The following PRDM10 variants were observed in gnomAD, a reference collection of about 807,000 sequenced individuals.
The protein encoded by PRDM10 is PR domain zinc finger protein 10.
In PRDM10, 65 loss-of-function variants were observed where a neutral mutation model predicts 133.1. That is an observed-to-expected ratio of 0.49 (90% confidence interval 0.40 to 0.60). The LOEUF is 0.60. Ranked by LOEUF, PRDM10 falls within the 20% of genes least tolerant of loss-of-function variation. The pLI, the probability that PRDM10 is intolerant of heterozygous loss-of-function variation, is 0.00. For synonymous variants in PRDM10, 582 were observed against 580.4 expected (o/e 1.00, Z -0.04); for missense variants, 1,137 against 1,507.1 (o/e 0.75, Z 4.07).
At chr11:129,907,871 C>T (rs541814538) in intron 19 of PRDM10, among the ~76,000 whole-genome samples, 1 of 152,150 alleles carries the variant, frequency 6.6e-6, no homozygotes, top group Non-Finnish European at 1.5e-5. Flanking sequence ...GGGAAGATCA[C>T]TTGAGCCCAG....
intron 1 of PRDM10, among the ~76,000 whole-genome samples, chr11:130,002,350 C>T (rs1939463987): frequency 6.6e-6 from 1 of 152,002 alleles, no homozygotes; most frequent in Non-Finnish European, 1.5e-5. Context: ...CTGCGCGCGG[C>T]GAAGGCAGGG....
In PRDM10 at chr11:129,947,677, G is replaced by A. The variant is rs1448524687; in HGVS notation, c.295-307C>T. 3.2e-5 allele frequency: 24 copies of A among 741,942 alleles called. 1 individual carries two copies. The allele number at this position is 741,942 out of a possible 1,614,324, so 46.0% of individuals were successfully genotyped here. On this transcript the variant is annotated intron_variant, in intron 4 of 20. Transcript: ENST00000360871. The surrounding 1 kb of genome is among the most constrained non-coding windows in gnomAD (Gnocchi z 4.6). ...GGCAGCAGTGGGAGAGTCAACACTG[G>A]CAAGGCCCTGACCACCTGCGTCCTG...
intron 19 of PRDM10, among the ~76,000 whole-genome samples, chr11:129,909,955 G>C (rs1213305603): frequency 6.6e-6 from 1 of 152,180 alleles, no homozygotes; most frequent in Non-Finnish European, 1.5e-5. Context: ...TGTGGAAATT[G>C]CCTTATCTGT....
intron 1 of PRDM10, among the ~76,000 whole-genome samples, chr11:129,987,108 C>T (rs909971102): frequency 1.3e-5 from 2 of 152,134 alleles, no homozygotes; most frequent in Admixed American, 6.5e-5. Flanking sequence ...ATAAACTCTC[C>T]ACTAATAGGG....
chr11:129,945,091 A>G lies in PRDM10; in HGVS notation c.521-79T>C. 1.3e-6 allele frequency: 2 copies of G among 1,554,054 alleles called. No homozygotes were observed. Among genetic ancestry groups the G allele is most frequent in the Non-Finnish European group, 1.7e-6 (2 of 1,148,538 alleles). On this transcript the variant is annotated intron_variant, in intron 5 of 20. Transcript: ENST00000360871. This position sits in a 1 kb window ranked among gnomAD's most constrained non-coding sequence, Gnocchi z 4.2. ...TGTGAGGTAAAAAATTCTGACCCGA[A>G]AAATCCCCGTCTGCATTTTCAAGCC...
At chr11:129,969,274 C>A (rs1014629441) in intron 1 of PRDM10, among the ~76,000 whole-genome samples, 6 of 152,078 alleles carry the variant, frequency 3.9e-5, no homozygotes, top group Non-Finnish European at 8.8e-5. Flanking sequence ...AGCAATTAGT[C>A]TCCATTTAAA....
intron 1 of PRDM10, among the ~76,000 whole-genome samples, chr11:129,975,994 T>C (rs780506639): frequency 7.9e-5 from 12 of 152,172 alleles, no homozygotes; most frequent in Non-Finnish European, 1.8e-4. Context: ...TCTCCTACAG[T>C]ACCTCATCCA....
intron 1 of PRDM10, among the ~76,000 whole-genome samples, chr11:129,977,838 C>T (rs1441247894): frequency 1.3e-5 from 2 of 152,066 alleles, no homozygotes; most frequent in Non-Finnish European, 2.9e-5. Flanking sequence ...CACCTGTTGT[C>T]CCAGCTAAGT....
chr11:129,985,514 G>C (rs75167235), intron 1 of PRDM10, among the ~76,000 whole-genome samples: 1 of 151,876 alleles, frequency 6.6e-6, no homozygotes, highest in Admixed American at 6.6e-5. Flanking sequence ...GTATTGGGCA[G>C]GGCACAGTGG....
chr11:129,941,271 T>G (rs1038559010), intron 7 of PRDM10, among the ~76,000 whole-genome samples: 1 of 152,232 alleles, frequency 6.6e-6, no homozygotes, highest in African/African-American at 2.4e-5. Context: ...TTTGATCCCC[T>G]CTTTTGGCAT....
At chr11:129,927,241 C>T (rs1950712037) in intron 11 of PRDM10, among the ~76,000 whole-genome samples, 1 of 143,324 alleles carries the variant, frequency 7.0e-6, no homozygotes, top group African/African-American at 2.5e-5. Context: ...AAATCAGCCA[C>T]AGGGCTTGCT....
At position 129,932,230 on chromosome 11, in the gene PRDM10, T is replaced by C; in HGVS notation, c.1159A>G (p.Thr387Ala). 1 of 1,614,004 alleles carries C rather than the reference T, an allele frequency of 6.2e-7. No individual in the cohort carries two copies. The highest frequency in any genetic ancestry group is 8.5e-7 in the Non-Finnish European group (1 of 1,179,892). Reference sequence around the variant, plus strand: ...CCTCGTCCCCTTCCTCTGCCTCTTGTTCTGGGGACAAGAGATTGGGTTACA... The same window carrying C: ...CCTCGTCCCCTTCCTCTGCCTCTTGCTCTGGGGACAAGAGATTGGGTTACA... Reference protein sequence around the residue: ...HDEKLDVFSRTRGRGRGRGKR... With the variant: ...HDEKLDVFSRARGRGRGRGKR... The change falls in exon 10 of 21, where the codon ACA becomes GCA. Residue 387 changes from threonine (T) to alanine (A), a missense_variant and splice_region_variant. Transcript: ENST00000360871.
intron 19 of PRDM10, among the ~76,000 whole-genome samples, chr11:129,908,886 G>A (rs976323482): frequency 4.0e-5 from 6 of 151,642 alleles, no homozygotes; most frequent in East Asian, 2.0e-4. Flanking sequence ...GCCACCAGAC[G>A]TGGCTAATTT....
Position 129,910,626 on chromosome 11 carries a change from G to A in PRDM10, c.3013C>T (p.Gln1005Ter). The change falls in exon 19 of 21, where the codon CAG becomes TAG. Residue 1005 changes from glutamine to a stop codon, truncating the protein, a stop_gained. Coordinates refer to ENST00000360871, the MANE Select transcript of PRDM10 (RefSeq NM_199437.2). LOFTEE classifies it high-confidence loss of function. ...GGGCTGAGCCCCTGCTGAGCCTGCT[G>A]GGCTGAGGGACTCAACGGCTGCCCA... Reference protein sequence around the residue: ...VSGQPLSPSAQQAQQGLSPSH... With the variant: ...VSGQPLSPSA 6.3e-7 allele frequency: 1 copy of A among 1,599,016 alleles called. No individual in the cohort carries two copies. The highest frequency in any genetic ancestry group is 8.5e-7 in the Non-Finnish European group (1 of 1,171,600).
At chr11:129,993,378 CA>C (rs1938855144) in intron 1 of PRDM10, among the ~76,000 whole-genome samples, 1 of 152,144 alleles carries the variant, frequency 6.6e-6, no homozygotes, top group Non-Finnish European at 1.5e-5. Flanking sequence ...GCCTTTCTGC[CA>C]TGCCTCCAGG....
chr11:129,968,594 C>T (rs1199737991), intron 1 of PRDM10, among the ~76,000 whole-genome samples: 11 of 151,164 alleles, frequency 7.3e-5, no homozygotes, highest in Admixed American at 7.3e-4. Context: ...CCGCCACCCA[C>T]CCCGCAATCC....
chr11:129,948,983 G>A (rs967389518), intron 4 of PRDM10, among the ~76,000 whole-genome samples: 2 of 152,134 alleles, frequency 1.3e-5, no homozygotes, highest in African/African-American at 2.4e-5. Context: ...TTACTTAAAT[G>A]GGGGATTTTG....
rs371083866 is a variant in PRDM10 at position 129,977,781 on chromosome 11, C to G, written c.-118-16699G>C. ...ACCAGCCTGAACAACATGGGGAAAC[C>G]CCACTTTTACAAAAAATGCAAAAAA... On this transcript the variant is annotated intron_variant, in intron 1 of 20. Transcript: ENST00000360871. 2.5e-4 allele frequency among the ~76,000 whole-genome samples: 38 copies of G among 152,050 alleles called. No homozygotes were observed. In the South Asian group the frequency reaches 7.7e-3, roughly 31 times the overall value.
intron 6 of PRDM10, 43 bp from the exon 7 acceptor site, chr11:129,942,672 C>T: frequency 6.8e-7 from 1 of 1,479,198 alleles, no homozygotes; most frequent in South Asian, 1.2e-5. Context: ...ACAAAACCTT[C>T]AATATGAGAC....
Sources: gnomAD v4.1 joint callset for allele counts (sites outside exome capture counted in the v4.1 genomes callset) on GRCh38, gnomAD v4.1.1 for gene constraint, Gnocchi (gnomAD v3.1) non-coding constraint, MANE v1.5 for transcripts, NCBI Gene and HGNC (gene_info 2026-07-23, HGNC 2026-07-21) for gene names.